NTM: variants seen among roughly 807,000 people sequenced by gnomAD.
The protein encoded by NTM is neurotrimin.
NTM carries 13 observed loss-of-function variants against 42.1 expected under a neutral mutation model. The ratio of observed to expected loss-of-function variants is 0.31; its 90% CI spans 0.20 to 0.49. The LOEUF (loss-of-function observed/expected upper bound fraction) is 0.49, where lower values mean the gene tolerates loss of function less well. NTM is among the 20% of genes least tolerant of loss of function. NTM has a pLI of 0.99. For missense variants in NTM, 373 were observed against 452.8 expected (o/e 0.82, Z 1.60); for synonymous variants, 187 against 179.2 (o/e 1.04, Z -0.35).
intron 2 of NTM, among the ~76,000 whole-genome samples, chr11:132,057,856 T>C (rs1413937878): frequency 6.6e-6 from 1 of 152,216 alleles, no homozygotes; most frequent in African/African-American, 2.4e-5. Flanking sequence ...GGTTTGTTTG[T>C]GCCTCATCAG....
At chr11:132,133,721 C>T (rs1375895768) in intron 2 of NTM, among the ~76,000 whole-genome samples, 6 of 152,160 alleles carry the variant, frequency 3.9e-5, no homozygotes, top group Non-Finnish European at 8.8e-5. Context: ...AAAGGCAACT[C>T]CCAGGAAGAG....
At chr11:131,983,324 T>C (rs1437776945) in intron 2 of NTM, among the ~76,000 whole-genome samples, 2 of 150,432 alleles carry the variant, frequency 1.3e-5, no homozygotes, top group Admixed American at 6.6e-5. Context: ...AATAAAAACA[T>C]AACAAACCTC....
chr11:131,509,324 G>A (rs61901919), intron 1 of NTM, among the ~76,000 whole-genome samples: 2,547 of 152,248 alleles, frequency 0.017, 34 homozygotes, highest in Non-Finnish European at 0.026. Context: ...CAATAACTCC[G>A]CTTTGGTCTC....
chr11:132,249,333 G>A (rs915756758), intron 4 of NTM, among the ~76,000 whole-genome samples: 3 of 152,124 alleles, frequency 2.0e-5, no homozygotes, highest in Non-Finnish European at 4.4e-5. Flanking sequence ...CATGAACGTG[G>A]TGATCACTTC....
At chr11:132,025,071 G>C (rs1021946337) in intron 2 of NTM, among the ~76,000 whole-genome samples, 1 of 152,176 alleles carries the variant, frequency 6.6e-6, no homozygotes, top group Non-Finnish European at 1.5e-5. Flanking sequence ...TGTGGCACCA[G>C]CACCTTGGAG....
chr11:131,446,942 A>G (rs1352447030), intron 1 of NTM, among the ~76,000 whole-genome samples: 1 of 152,236 alleles, frequency 6.6e-6, no homozygotes, highest in Non-Finnish European at 1.5e-5. Context: ...GAAAGCACAT[A>G]CTTTTAACTG....
At chr11:131,990,490 T>C (rs2066826975) in intron 2 of NTM, among the ~76,000 whole-genome samples, 1 of 152,022 alleles carries the variant, frequency 6.6e-6, no homozygotes, top group South Asian at 2.1e-4. Context: ...TTAGCATTTG[T>C]GTGGGTCTGT....
At chr11:132,316,523 A>T (rs1318940993) in intron 7 of NTM, among the ~76,000 whole-genome samples, 2 of 152,212 alleles carry the variant, frequency 1.3e-5, no homozygotes, top group African/African-American at 4.8e-5. Flanking sequence ...GTTTAGAAAG[A>T]GTGGGTCACA....
At chr11:131,474,730 T>A (rs1952758660) in intron 1 of NTM, among the ~76,000 whole-genome samples, 1 of 152,176 alleles carries the variant, frequency 6.6e-6, no homozygotes, top group South Asian at 2.1e-4. Context: ...ATCTTATCAT[T>A]CCTGATATCA....
intron 2 of NTM, among the ~76,000 whole-genome samples, chr11:132,118,108 G>C (rs572484714): frequency 4.4e-4 from 67 of 152,170 alleles, no homozygotes; most frequent in African/African-American, 1.6e-3. Context: ...ATAGTTTCAG[G>C]GTCCTTTACA....
chr11:131,480,728 G>A (rs1953484778), intron 1 of NTM, among the ~76,000 whole-genome samples: 1 of 152,058 alleles, frequency 6.6e-6, no homozygotes, highest in South Asian at 2.1e-4. Context: ...AAGGGGGCGT[G>A]GGAGGTAACC....
chr11:131,466,857 TTTGCAGAC>T (rs1431763403), intron 1 of NTM, among the ~76,000 whole-genome samples: 5 of 152,318 alleles, frequency 3.3e-5, no homozygotes, highest in Admixed American at 1.3e-4. Context: ...GTGTTGGAAA[TTTGCAGAC>T]TTATTCCTCA....
chr11:132,282,582 T>C (rs1046465179), intron 4 of NTM, among the ~76,000 whole-genome samples: 3 of 152,172 alleles, frequency 2.0e-5, no homozygotes, highest in Non-Finnish European at 4.4e-5. Flanking sequence ...CCAAAAAATA[T>C]CTCATTGCCC....
chr11:131,594,856 C>T (rs1377777879), intron 1 of NTM, among the ~76,000 whole-genome samples: 2 of 152,180 alleles, frequency 1.3e-5, no homozygotes, highest in East Asian at 1.9e-4. Flanking sequence ...GCGCCATGTA[C>T]TCTAAATATT....
intron 2 of NTM, among the ~76,000 whole-genome samples, chr11:132,124,641 C>T (rs1180723826): frequency 6.6e-6 from 1 of 152,136 alleles, no homozygotes; most frequent in East Asian, 1.9e-4. Flanking sequence ...ACGCGCAGGG[C>T]GGGGTTGCTT....
intron 1 of NTM, among the ~76,000 whole-genome samples, chr11:131,487,683 G>A (rs1325259467): frequency 6.6e-6 from 1 of 152,200 alleles, no homozygotes; most frequent in Non-Finnish European, 1.5e-5. Context: ...AAAGGAATGT[G>A]GAGACACTCA....
intron 1 of NTM, among the ~76,000 whole-genome samples, chr11:131,491,635 TTGG>T (rs1224707909): frequency 6.6e-4 from 101 of 152,136 alleles, no homozygotes; most frequent in Middle Eastern, 6.8e-3. Flanking sequence ...AGTACTGGAG[TTGG>T]TATTATCTCC....
chr11:131,974,724 A>AT (rs879629423), intron 2 of NTM, among the ~76,000 whole-genome samples: 81 of 151,676 alleles, frequency 5.3e-4, no homozygotes, highest in East Asian at 1.2e-3. Flanking sequence ...CTTGAAAAAT[A>AT]TTTTTTTTTC....
chr11:131,378,751 T>C (rs896091767), intron 1 of NTM, among the ~76,000 whole-genome samples: 2 of 152,142 alleles, frequency 1.3e-5, no homozygotes, highest in African/African-American at 4.8e-5. Flanking sequence ...ATGACAAGCC[T>C]TAGAAGAAGC....
Sources: gnomAD v4.1 joint callset for allele counts (sites outside exome capture counted in the v4.1 genomes callset) on GRCh38, gnomAD v4.1.1 for gene constraint, MANE v1.5 for transcripts, NCBI Gene and HGNC (gene_info 2026-07-23, HGNC 2026-07-21) for gene names.